The following ITGB1 variants were observed in gnomAD, a reference collection of about 807,000 sequenced individuals.
ITGB1 encodes integrin subunit beta 1.
ITGB1 carries 24 observed loss-of-function variants against 86.5 expected under a neutral mutation model. The observed-to-expected ratio is 0.28, with a 90% confidence interval of 0.20 to 0.39. The LOEUF (loss-of-function observed/expected upper bound fraction) is 0.39. ITGB1 is among the 10% of genes least tolerant of loss of function. The pLI, the probability that ITGB1 is intolerant of heterozygous loss-of-function variation, is 1.00. For missense variants in ITGB1, 556 were observed against 946.9 expected (o/e 0.59, Z 5.42); for synonymous variants, 323 against 316.8 (o/e 1.02, Z -0.21).
At chr10:32,915,116 G>A (rs1439069417) in intron 11 of ITGB1, among the ~76,000 whole-genome samples, 1 of 152,032 alleles carries the variant, frequency 6.6e-6, no homozygotes. Context: ...TTTGAAACCA[G>A]TGAGAACAAA....
At chr10:32,908,185 T>C (rs1323721758) in intron 15 of ITGB1, 183 bp downstream of exon 15, 3 of 613,060 alleles carry the variant, frequency 4.9e-6, no homozygotes, top group East Asian at 5.6e-5. Flanking sequence ...TTTGTTTCAA[T>C]GGGATATATT....
rs2094957082 is a variant in ITGB1 at position 32,923,812 on chromosome 10, A to G, written c.787-72T>C. On this transcript the variant is annotated intron_variant, in intron 6 of 15. Coordinates refer to ENST00000302278, the MANE Select transcript of ITGB1 (RefSeq NM_002211.4). The stretch of plus-strand genomic sequence containing the variant: ...TCAACAAAAATCCTTTAATTTTCAT[A>G]TAGGCCACCATTGTATTTTTAACCT... 9.2e-6 allele frequency: 11 copies of G among 1,195,812 alleles called. No homozygotes were observed. The South Asian group carries it at 1.6e-4, about 18-fold the overall frequency. The allele number at this position is 1,195,812 out of a possible 1,614,324, so 74.1% of individuals were successfully genotyped here. A position where few individuals can be genotyped will look rare whatever the true frequency, so the allele number is the denominator to read the frequency against.
rs765529330 is a variant in ITGB1 at position 32,930,014 on chromosome 10, C to A, written c.184G>T (p.Ala62Ser). ...AAGGCTTCTAAATCATCACATCGTG[C>A]AGAAGTAGGCATTCCTTCCTGTAAA... is the stretch of plus-strand genomic sequence containing the variant. ...TFLQEGMPTS[A>S]RCDDLEALKK... Residue 62 changes from alanine to serine, a missense_variant, in exon 4 of 16, where the codon GCA becomes TCA. Ala to Ser is a moderately conservative substitution (Grantham distance 99). Transcript: ENST00000302278. The A allele has an allele frequency of 1.1e-6, 1 of 918,524 alleles. No individual in the cohort carries two copies. The highest frequency in any genetic ancestry group is 1.8e-6 in the Non-Finnish European group (1 of 544,068). 56.9% of individuals were successfully genotyped at this position (918,524 alleles called of 1,614,324 possible).
intron 5 of ITGB1, among the ~76,000 whole-genome samples, chr10:32,926,803 C>A (rs747554179): frequency 6.6e-6 from 1 of 152,174 alleles, no homozygotes; most frequent in Non-Finnish European, 1.5e-5. Flanking sequence ...TGTCTCCCTG[C>A]TGCTATGTGA....
At position 32,929,962 on chromosome 10, in the gene ITGB1, T is replaced by C. The variant is rs1391893825; in HGVS notation, c.236A>G (p.Asp79Gly). 2 of 1,353,710 alleles carry C rather than the reference T, an allele frequency of 1.5e-6. No individual in the cohort carries two copies. Among genetic ancestry groups the C allele is most frequent in the Non-Finnish European group, 2.1e-6 (2 of 941,700 alleles). 83.9% of individuals were successfully genotyped at this position (1,353,710 alleles called of 1,614,324 possible). A position where few individuals can be genotyped will look rare whatever the true frequency, so the allele number is the denominator to read the frequency against. Residue 79 changes from aspartate to glycine, a missense_variant, in exon 4 of 16, where the codon GAC (aspartate) becomes GGC (glycine). Around this residue, in one of 4 missense-constraint regions of ITGB1, gnomAD observed 183 missense variants for 263.9 expected, o/e 0.69. Transcript: ENST00000302278. ...TTTGGAGCCTCTGGGATTTTCTATG[T>C]CATCTGGAGGGCAACCCTTCTTTTT... ...ALKKKGCPPD[D>G]IENPRGSKDI...
Position 32,912,253 on chromosome 10 carries a change from G to T in ITGB1, c.1470-129C>A, listed in dbSNP as rs878891599. On this transcript the variant is annotated intron_variant, in intron 11 of 15. Transcript: ENST00000302278. ...GCGACACAGAAGACAGGTGGTTTCT[G>T]CATTTCCAACTGAGGTACTGGGTTC... 8.3e-6 allele frequency: 6 copies of T among 724,264 alleles called. No individual in the cohort carries two copies. In the Admixed American group the frequency reaches 1.6e-4, roughly 19 times the overall value. The allele number at this position is 724,264 out of a possible 1,614,324, so 44.9% of individuals were successfully genotyped here.
chr10:32,916,855 T>C (rs1402163352), intron 11 of ITGB1, among the ~76,000 whole-genome samples: 3 of 152,132 alleles, frequency 2.0e-5, no homozygotes, highest in Admixed American at 6.5e-5. Flanking sequence ...AAAGTTCATA[T>C]GGAACCAAAA....
intron 1 of ITGB1, among the ~76,000 whole-genome samples, chr10:32,942,580 G>A (rs2095021085): frequency 6.6e-6 from 1 of 152,110 alleles, no homozygotes; most frequent in Admixed American, 6.5e-5. Flanking sequence ...ACTCTTTGCT[G>A]TTAGGCTCAT....
intron 11 of ITGB1, among the ~76,000 whole-genome samples, chr10:32,917,721 T>C (rs1449804228): frequency 6.6e-6 from 1 of 152,166 alleles, no homozygotes; most frequent in Non-Finnish European, 1.5e-5. Flanking sequence ...TGTGGAGAAA[T>C]AGGTACACTT....
At chr10:32,930,908 T>A (rs1038456650) in intron 3 of ITGB1, among the ~76,000 whole-genome samples, 1 of 152,006 alleles carries the variant, frequency 6.6e-6, no homozygotes, top group African/African-American at 2.4e-5. Context: ...AAGATCTATA[T>A]AAAGACTGTG....
At position 32,954,699 on chromosome 10, in the gene ITGB1, A is replaced by AG. The variant is rs201715983; in HGVS notation, c.-1+3445dup. Among the ~76,000 whole-genome samples, 981 of 152,300 alleles carry AG rather than the reference A, an allele frequency of 6.4e-3. 6 individuals are homozygous for AG. Among genetic ancestry groups the AG allele is most frequent in the African/African-American group, 0.021 (878 of 41,556 alleles). Reference sequence around the variant, plus strand: ...CTGTGCTTTGAAATTATGTACAATGAGATTGGTCCTATAAGAAATACATAC... The same window carrying AG: ...CTGTGCTTTGAAATTATGTACAATGAGGATTGGTCCTATAAGAAATACATAC... On this transcript the variant is annotated intron_variant, in intron 1 of 15. Transcript: ENST00000302278.
intron 1 of ITGB1, among the ~76,000 whole-genome samples, chr10:32,952,316 T>A (rs2095044183): frequency 6.6e-6 from 1 of 152,198 alleles, no homozygotes. Context: ...AGTGACTCTT[T>A]AATAAATGTT....
intron 1 of ITGB1, among the ~76,000 whole-genome samples, chr10:32,946,121 C>T (rs1270737077): frequency 6.6e-6 from 1 of 152,134 alleles, no homozygotes; most frequent in African/African-American, 2.4e-5. Flanking sequence ...GATCTACTTG[C>T]CAGTTTCTCT....
In ITGB1 at chr10:32,928,216, G is replaced by T; in HGVS notation, c.425C>A (p.Pro142His). The change falls in exon 5 of 16, where the codon CCC becomes CAC. Residue 142 changes from proline (P) to histidine (H), a missense_variant. Pro to His is a moderately conservative substitution (Grantham distance 77). Coordinates refer to ENST00000302278, the MANE Select transcript of ITGB1 (RefSeq NM_002211.4). Reference sequence around the variant, plus strand: ...GTCCATAAGGTAGTAGAGGTCAATGGGATAGTCTTCAGCTCTCTTGAATTT... The same window carrying T: ...GTCCATAAGGTAGTAGAGGTCAATGTGATAGTCTTCAGCTCTCTTGAATTT... ...TLKFKRAEDYPIDLYYLMDLS... is the reference protein window; with the variant it reads ...TLKFKRAEDYHIDLYYLMDLS... The T allele has an allele frequency of 1.0e-6, 1 of 962,250 alleles. No individual in the cohort carries two copies. The highest frequency in any genetic ancestry group is 2.4e-5 in the East Asian group (1 of 42,048). The allele number at this position is 962,250 out of a possible 1,614,324, so 59.6% of individuals were successfully genotyped here. A position where few individuals can be genotyped will look rare whatever the true frequency, so the allele number is the denominator to read the frequency against.
chr10:32,945,591 T>A (rs540524557), intron 1 of ITGB1, among the ~76,000 whole-genome samples: 12 of 149,620 alleles, frequency 8.0e-5, no homozygotes, highest in African/African-American at 2.8e-4. Context: ...AGACCGAGAC[T>A]CTGTCTCAAA....
chr10:32,933,586 G>A (rs2094991088), intron 2 of ITGB1: 1 of 152,074 alleles, frequency 6.6e-6, no homozygotes, highest in African/African-American at 2.4e-5. Flanking sequence ...TAGAAAATCT[G>A]GAAAACACAC....
At position 32,901,543 on chromosome 10, in the gene ITGB1, G is replaced by T. The variant is rs2094881900; in HGVS notation, c.*27C>A. 2.1e-6 allele frequency: 3 copies of T among 1,404,884 alleles called. No individual in the cohort carries two copies. Among genetic ancestry groups the T allele is most frequent in the Non-Finnish European group, 3.0e-6 (3 of 1,003,060 alleles). The allele number at this position is 1,404,884 out of a possible 1,614,324, so 87.0% of individuals were successfully genotyped here. ...TATGGAAATTGCTACTTTGCATTCA[G>T]TGTTGTGGGATTTGCACGGGCAGTA... On this transcript the variant is annotated 3_prime_UTR_variant, in exon 16 of 16. Coordinates refer to ENST00000302278, the MANE Select transcript of ITGB1 (RefSeq NM_002211.4).
intron 2 of ITGB1, among the ~76,000 whole-genome samples, chr10:32,934,664 T>C (rs533951844): frequency 6.6e-6 from 1 of 152,220 alleles, no homozygotes; most frequent in African/African-American, 2.4e-5. Flanking sequence ...GGTTTTACAT[T>C]GTTTCATATT....
At chr10:32,932,952 A>G (rs886260104) in intron 2 of ITGB1, among the ~76,000 whole-genome samples, 1 of 152,062 alleles carries the variant, frequency 6.6e-6, no homozygotes, top group Non-Finnish European at 1.5e-5. Flanking sequence ...ATATGCAACT[A>G]TATTATTATT....
Sources: gnomAD v4.1 joint callset for allele counts (sites outside exome capture counted in the v4.1 genomes callset) on GRCh38, gnomAD v4.1.1 for gene constraint, gnomAD v4.1.1 regional missense constraint, MANE v1.5 for transcripts, NCBI Gene and HGNC (gene_info 2026-07-23, HGNC 2026-07-21) for gene names.